Variants in ZNF91 observed in about 807,000 individuals in gnomAD.
ZNF91 encodes the protein zinc finger protein 91.
In ZNF91, 7 loss-of-function variants were observed where a neutral mutation model predicts 12.6. That is an observed-to-expected ratio of 0.55 (90% CI 0.31 to 1.04). The LOEUF is 1.04. Ranked by LOEUF, ZNF91 falls within the 50% of genes least tolerant of loss-of-function variation. ZNF91 has a pLI of 0.05. For missense variants in ZNF91, 1,217 were observed against 1,385.4 expected, an observed-to-expected ratio of 0.88 and a Z score of 1.93; for synonymous variants, 453 against 462.6, an observed-to-expected ratio of 0.98 and a Z score of 0.27.
intron 1 of ZNF91, chr19:23,327,583 C>T (rs934078331): frequency 6.6e-6 from 1 of 152,154 alleles, no homozygotes; most frequent in African/African-American, 2.4e-5. Context: ...TAAGTGCTTA[C>T]ATGCTAACTA....
intron 1 of ZNF91, chr19:23,384,769 C>T (rs1969821355): frequency 4.7e-6 from 3 of 641,172 alleles, no homozygotes; most frequent in South Asian, 1.7e-5. Context: ...GCTCCCCGGG[C>T]ATAGTAAGTT....
At chr19:23,317,127 G>A (rs1967580255) in intron 1 of ZNF91, among the ~76,000 whole-genome samples, 1 of 151,778 alleles carries the variant, frequency 6.6e-6, no homozygotes, top group Non-Finnish European at 1.5e-5. Flanking sequence ...CTCACTGCAA[G>A]CTCCGCCTCC....
downstream of ZNF91, among the ~76,000 whole-genome samples, chr19:23,333,959 A>G (rs1967964413): frequency 6.6e-6 from 1 of 152,188 alleles, no homozygotes; most frequent in Non-Finnish European, 1.5e-5. Context: ...AGGCTGCGGA[A>G]CTATAAAGAT....
chr19:23,341,923 G>C (rs1968133730), intron 3 of ZNF91, among the ~76,000 whole-genome samples: 1 of 152,116 alleles, frequency 6.6e-6, no homozygotes, highest in Non-Finnish European at 1.5e-5. Flanking sequence ...CACCTTATAA[G>C]CCATAAAGAG....
chr19:23,387,581 A>C (rs983904091), intron 1 of ZNF91, among the ~76,000 whole-genome samples: 89 of 152,304 alleles, frequency 5.8e-4, no homozygotes, highest in East Asian at 1.2e-3. Flanking sequence ...AAATACAATA[A>C]GAAAAATTAG....
At chr19:23,383,245 C>A (rs1969776167) in intron 1 of ZNF91, among the ~76,000 whole-genome samples, 1 of 152,192 alleles carries the variant, frequency 6.6e-6, no homozygotes, top group Non-Finnish European at 1.5e-5. Flanking sequence ...ACAGAAACCA[C>A]AAGATTACCT....
At chr19:23,339,124 AC>A (rs1478008082) in intron 3 of ZNF91, 1 of 152,094 alleles carries the variant, frequency 6.6e-6, no homozygotes, top group East Asian at 1.9e-4. Context: ...TATGTTGCCT[AC>A]AAAAATCTCA....
intron 3 of ZNF91, among the ~76,000 whole-genome samples, chr19:23,349,710 T>C (rs1968316189): frequency 6.7e-6 from 1 of 148,466 alleles, no homozygotes; most frequent in Non-Finnish European, 1.5e-5. Flanking sequence ...GCAGTGAGAG[T>C]CCAAGGACTC....
Position 23,320,751 on chromosome 19 carries a change from C to T in ZNF91, n.117-11654G>A, listed in dbSNP as rs58989664. The stretch of plus-strand genomic sequence containing the variant: ...TTGGGTGGTACAGAGAGTGTACTAA[C>T]AGAGCCCAGCTCAAAGGTGAGATTG... On this transcript the variant is annotated intron_variant and non_coding_transcript_variant, in intron 1 of 1. Coordinates refer to the ZNF91 transcript ENST00000596528. Among the ~76,000 whole-genome samples, 917 of 152,302 alleles carry T rather than the reference C, an allele frequency of 6.0e-3. 11 individuals are homozygous for T. The highest frequency in any genetic ancestry group is 0.021 in the African/African-American group (868 of 41,554).
chr19:23,368,046 A>AT (rs988448073), intron 3 of ZNF91, among the ~76,000 whole-genome samples: 2 of 151,908 alleles, frequency 1.3e-5, no homozygotes, highest in African/African-American at 4.8e-5. Flanking sequence ...AGTAGCTGGG[A>AT]TTACAGGCAC....
intron 1 of ZNF91, among the ~76,000 whole-genome samples, chr19:23,391,140 C>A (rs972939862): frequency 3.3e-5 from 5 of 152,186 alleles, no homozygotes; most frequent in African/African-American, 1.2e-4. Flanking sequence ...TAAGTATTCC[C>A]TTTTCTCTGA....
intron 2 of ZNF91, among the ~76,000 whole-genome samples, chr19:23,374,223 T>G (rs879842209): frequency 5.9e-5 from 9 of 151,926 alleles, no homozygotes; most frequent in Non-Finnish European, 1.2e-4. Context: ...AGGATTTTCT[T>G]GAAAACAGAA....
chr19:23,321,511 T>C (rs541933704), intron 1 of ZNF91, among the ~76,000 whole-genome samples: 11 of 152,212 alleles, frequency 7.2e-5, no homozygotes, highest in African/African-American at 2.4e-4. Flanking sequence ...TGGTGACATA[T>C]CCCTGGGCTC....
At chr19:23,322,486 G>C (rs1330189568) in intron 1 of ZNF91, among the ~76,000 whole-genome samples, 1 of 152,100 alleles carries the variant, frequency 6.6e-6, no homozygotes, top group Admixed American at 6.5e-5. Context: ...CATTGGCAAC[G>C]TCCACAGGTG....
intron 1 of ZNF91, among the ~76,000 whole-genome samples, chr19:23,394,412 G>A (rs1461790254): frequency 2.0e-5 from 3 of 152,220 alleles, no homozygotes; most frequent in Non-Finnish European, 4.4e-5. Flanking sequence ...TACATAAGAA[G>A]GATATTTCCA....
downstream of ZNF91, among the ~76,000 whole-genome samples, chr19:23,336,802 C>T (rs1313992979): frequency 2.6e-5 from 4 of 152,116 alleles, no homozygotes; most frequent in Admixed American, 6.5e-5. Context: ...GATGGATTCT[C>T]GCTGTCGCCC....
intron 1 of ZNF91, chr19:23,328,156 C>T (rs1323843527): frequency 6.6e-6 from 1 of 152,016 alleles, no homozygotes; most frequent in African/African-American, 2.4e-5. Context: ...ATGGCAAAGA[C>T]ATACAGTTGC....
chr19:23,388,831 G>A (rs547739451), intron 1 of ZNF91, among the ~76,000 whole-genome samples: 35 of 146,796 alleles, frequency 2.4e-4, no homozygotes, highest in Non-Finnish European at 4.5e-4. Flanking sequence ...CAAAGATCAC[G>A]CCATTGCACT....
Position 23,358,401 on chromosome 19 carries a change from C to T in ZNF91, c.*1002G>A, listed in dbSNP as rs1036146522. ...AGATCCTCTCTACTTAAATTTTCAT[C>T]ATGCATCTTACATTTTTAATGTCCT... On this transcript the variant is annotated 3_prime_UTR_variant, in exon 4 of 4. Transcript: ENST00000300619. 1.3e-5 allele frequency: 2 copies of T among 152,290 alleles called. No homozygotes were observed. Among genetic ancestry groups the T allele is most frequent in the East Asian group, 3.9e-4 (2 of 5,180 alleles). The allele number at this position is 152,290 out of a possible 1,614,324, so 9.4% of individuals were successfully genotyped here.
Sources: allele counts gnomAD v4.1 joint callset (sites outside exome capture counted in the v4.1 genomes callset), GRCh38; gene constraint gnomAD v4.1.1; transcripts MANE v1.5; gene names NCBI Gene and HGNC (gene_info 2026-07-23, HGNC 2026-07-21).